Variants in RALB observed in about 807,000 individuals in gnomAD.
RALB encodes the protein RAS like proto-oncogene B.
In RALB, 16 loss-of-function variants were observed where a neutral mutation model predicts 21.3. The ratio of observed to expected loss-of-function variants is 0.75; its 90% CI spans 0.51 to 1.14. RALB has a LOEUF of 1.14. Ranked by LOEUF, RALB falls within the 50% of genes most tolerant of loss-of-function variation. The pLI is 0.00. For synonymous variants in RALB, 93 were observed against 96.1 expected (o/e 0.97, Z 0.19); for missense variants, 161 against 256.2 (o/e 0.63, Z 2.54).
chr2:120,264,747 C>G (rs1056662531), intron 1 of RALB, among the ~76,000 whole-genome samples: 19 of 152,180 alleles, frequency 1.2e-4, no homozygotes. Context: ...CCATTAAACA[C>G]TGACTCCCCA....
At position 120,293,224 on chromosome 2, in the gene RALB, CAAGAA is replaced by C. The variant is rs777914885; in HGVS notation, c.589_593del (p.Lys197PhefsTer2). 3 of 1,613,366 alleles carry C rather than the reference CAAGAA, an allele frequency of 1.9e-6. No individual in the cohort carries two copies. Among genetic ancestry groups the C allele is most frequent in the South Asian group, 2.2e-5 (2 of 91,002 alleles). On this transcript the variant is annotated frameshift_variant, in exon 5 of 5. Coordinates refer to ENST00000272519, the MANE Select transcript of RALB (RefSeq NM_002881.3). LOFTEE classifies it high-confidence loss of function. ...AGAATGGCAAGAAAAGCAGCAAGAA[CAAGAA>C]AAGTTTTAAAGAAAGATGTTGCTTA...
upstream of RALB, among the ~76,000 whole-genome samples, chr2:120,248,653 T>G (rs1283168904): frequency 6.6e-6 from 1 of 151,932 alleles, no homozygotes; most frequent in Non-Finnish European, 1.5e-5. Context: ...ACAGCCAGAG[T>G]AATGTTTTTT....
intron 3 of RALB, among the ~76,000 whole-genome samples, chr2:120,286,737 A>T (rs568506170): frequency 6.6e-6 from 1 of 152,366 alleles, no homozygotes; most frequent in South Asian, 2.1e-4. Context: ...TGTGGGCAAG[A>T]ACCTGGCTAC....
upstream of RALB, among the ~76,000 whole-genome samples, chr2:120,251,397 G>A (rs1255343239): frequency 1.3e-5 from 2 of 152,218 alleles, no homozygotes; most frequent in Non-Finnish European, 2.9e-5. Flanking sequence ...CACTCACCAA[G>A]TTCCTAGCAC....
At chr2:120,267,399 G>A in intron 1 of RALB, among the ~76,000 whole-genome samples, 1 of 76,290 alleles carries the variant, frequency 1.3e-5, no homozygotes, top group African/African-American at 6.3e-5. Flanking sequence ...TATAGACATG[G>A]AAAGTTGAGT....
At chr2:120,272,215 C>G (rs1373914927) in intron 1 of RALB, among the ~76,000 whole-genome samples, 3 of 152,148 alleles carry the variant, frequency 2.0e-5, no homozygotes, top group Non-Finnish European at 2.9e-5. Context: ...GTCTCTCTTC[C>G]TTCTCTTATA....
intron 1 of RALB, among the ~76,000 whole-genome samples, chr2:120,268,968 G>A (rs1271118507): frequency 6.6e-6 from 1 of 152,036 alleles, no homozygotes; most frequent in Non-Finnish European, 1.5e-5. Context: ...TGTATTATAT[G>A]TTTTCTGCAC....
chr2:120,242,648 G>T (rs2104563832), intron 1 of RALB, among the ~76,000 whole-genome samples: 1 of 152,322 alleles, frequency 6.6e-6, no homozygotes, highest in East Asian at 1.9e-4. Context: ...TGAGTTGGGA[G>T]AATGGCGTGA....
chr2:120,253,790 G>A, intron 1 of RALB: 1 of 869,602 alleles, frequency 1.1e-6, no homozygotes, highest in Non-Finnish European at 1.4e-6. Context: ...GGCCGTGGAA[G>A]AGACTTGGCT....
Position 120,265,104 on chromosome 2 carries a change from A to G in RALB, c.-48+12124A>G, listed in dbSNP as rs142611633. On this transcript the variant is annotated intron_variant, in intron 1 of 4. Transcript: ENST00000272519. Reference sequence around the variant, plus strand: ...GTCCTTGCTTTCAGTTCTTTTGTATATACAGCCACGCATCACTTAATGACA... The same window carrying G: ...GTCCTTGCTTTCAGTTCTTTTGTATGTACAGCCACGCATCACTTAATGACA... Among the ~76,000 whole-genome samples, 649 of 152,328 alleles carry G rather than the reference A, an allele frequency of 4.3e-3. 3 individuals are homozygous for G. The highest frequency in any genetic ancestry group is 0.015 in the African/African-American group (618 of 41,580).
chr2:120,279,704 AG>A (rs1689937534), intron 2 of RALB, among the ~76,000 whole-genome samples: 1 of 93,196 alleles, frequency 1.1e-5, no homozygotes, highest in South Asian at 2.8e-4. Flanking sequence ...TAGTACAGGC[AG>A]GGAGAGTGTT....
At chr2:120,269,307 G>A (rs373975349) in intron 1 of RALB, among the ~76,000 whole-genome samples, 4 of 152,208 alleles carry the variant, frequency 2.6e-5, no homozygotes, top group East Asian at 3.8e-4. Flanking sequence ...CCTTCGCAGT[G>A]AGTGTTATAG....
chr2:120,263,600 C>T (rs920659107), intron 1 of RALB, among the ~76,000 whole-genome samples: 1 of 152,212 alleles, frequency 6.6e-6, no homozygotes, highest in Non-Finnish European at 1.5e-5. Context: ...CGCTCTGTCA[C>T]CCAGGCTGGA....
At chr2:120,244,616 T>TCATC (rs60555914) in intron 1 of RALB, among the ~76,000 whole-genome samples, 6,392 of 152,040 alleles carry the variant, frequency 0.042, 349 homozygotes, top group African/African-American at 0.13. Context: ...AGCCATTCCC[T>TCATC]CATCCATCCA....
At chr2:120,283,394 C>G (rs756397515) in intron 2 of RALB, among the ~76,000 whole-genome samples, 9 of 152,242 alleles carry the variant, frequency 5.9e-5, no homozygotes, top group Non-Finnish European at 1.3e-4. Flanking sequence ...CACCCCTGGT[C>G]TAAAGTCTCC....
chr2:120,252,844 G>T (rs1056581797), upstream of RALB: 2 of 985,546 alleles, frequency 2.0e-6, no homozygotes, highest in Non-Finnish European at 1.2e-6. Context: ...GGCGCGCTCG[G>T]GGGGTGGGAA....
rs1414347880 is a variant in RALB, at chr2:120,293,274, G to A, written c.*14G>A. On this transcript the variant is annotated 3_prime_UTR_variant, in exon 5 of 5. Coordinates refer to ENST00000272519, the MANE Select transcript of RALB (RefSeq NM_002881.3). ...TGCTTACTATGAGTGTCAAGGTGAC[G>A]GATGAAGCCAGCTGCTCCTAAGGAC... 3.7e-6 allele frequency: 6 copies of A among 1,605,526 alleles called. No individual in the cohort carries two copies. Among genetic ancestry groups the A allele is most frequent in the South Asian group, 1.1e-5 (1 of 89,846 alleles).
chr2:120,286,254 TAG>T (rs1275011841), intron 3 of RALB, among the ~76,000 whole-genome samples, 172 bp downstream of exon 3: 1 of 152,218 alleles, frequency 6.6e-6, no homozygotes, highest in African/African-American at 2.4e-5. Flanking sequence ...TGGCACATTA[TAG>T]ACTATGATGA....
Position 120,267,635 on chromosome 2 carries a change from AC to A in RALB, c.-47-10982del, listed in dbSNP as rs533141595. Among the ~76,000 whole-genome samples, 25 of 152,316 alleles carry A rather than the reference AC, an allele frequency of 1.6e-4. No homozygotes were observed. The East Asian group carries it at 4.8e-3, about 29-fold the overall frequency. On this transcript the variant is annotated intron_variant, in intron 1 of 4. Transcript: ENST00000272519. ...CTGCAGCAGGCTTACGCTGGCTTTC[AC>A]ATAGTGTATGTCCCTTCCAGAAGCG... is the stretch of plus-strand genomic sequence containing the variant.
Sources: gnomAD v4.1 joint callset for allele counts (sites outside exome capture counted in the v4.1 genomes callset) on GRCh38, gnomAD v4.1.1 for gene constraint, MANE v1.5 for transcripts, NCBI Gene and HGNC (gene_info 2026-07-23, HGNC 2026-07-21) for gene names.